The following ADAMTSL3 variants were observed in gnomAD, a reference collection of about 807,000 sequenced individuals.
The protein encoded by ADAMTSL3 is ADAMTS-like protein 3.
Under a neutral mutation model 201.7 loss-of-function variants are expected in ADAMTSL3, and 128 were observed. That is an observed-to-expected ratio of 0.63 (90% confidence interval 0.55 to 0.73). ADAMTSL3 has a LOEUF of 0.73. Ranked by LOEUF, ADAMTSL3 falls within the 30% of genes least tolerant of loss-of-function variation. ADAMTSL3 has a pLI of 0.00. For synonymous variants in ADAMTSL3, 738 were observed against 748.4 expected, an observed-to-expected ratio of 0.99 and a Z score of 0.23; for missense variants, 1,990 against 2,119.6, an observed-to-expected ratio of 0.94 and a Z score of 1.20.
intron 23 of ADAMTSL3, among the ~76,000 whole-genome samples, chr15:84,009,316 G>A (rs751034562): frequency 1.3e-5 from 2 of 152,112 alleles, no homozygotes; most frequent in African/African-American, 4.8e-5. Context: ...TCCAAAATTG[G>A]AGGAATGTGT....
chr15:84,035,424 T>C (rs968062367), intron 28 of ADAMTSL3, among the ~76,000 whole-genome samples: 4 of 152,214 alleles, frequency 2.6e-5, no homozygotes, highest in African/African-American at 9.6e-5. Flanking sequence ...GAGTACTCAG[T>C]CTCTTCTCTG....
At chr15:83,749,842 T>C (rs923354429) in intron 3 of ADAMTSL3, among the ~76,000 whole-genome samples, 4 of 152,188 alleles carry the variant, frequency 2.6e-5, no homozygotes, top group African/African-American at 9.6e-5. Context: ...TCATTCAAGC[T>C]CTTTGTCATT....
At chr15:84,002,935 T>TA (rs2067821703) in intron 23 of ADAMTSL3, among the ~76,000 whole-genome samples, 1 of 84,604 alleles carries the variant, frequency 1.2e-5, no homozygotes, top group South Asian at 3.6e-4. Context: ...TCTTTTCTTT[T>TA]CTTTTTTTTT....
chr15:83,927,308 G>A (rs2066267382), intron 17 of ADAMTSL3, among the ~76,000 whole-genome samples: 1 of 151,934 alleles, frequency 6.6e-6, no homozygotes, highest in South Asian at 2.1e-4. Context: ...GTAGAGATGG[G>A]ATTTTGCCAT....
In ADAMTSL3 at chr15:84,037,717, A is replaced by G; in HGVS notation, c.4987A>G (p.Thr1663Ala). 6.2e-7 allele frequency: 1 copy of G among 1,610,264 alleles called. No individual in the cohort carries two copies. Among genetic ancestry groups the G allele is most frequent in the Middle Eastern group, 1.7e-4 (1 of 6,048 alleles). Reference sequence around the variant, plus strand: ...TTTTGCAGGAGACTGCACAGACACAACTCACTACTGTATGTTTGTAAAACA... The same window carrying G: ...TTTTGCAGGAGACTGCACAGACACAGCTCACTACTGTATGTTTGTAAAACA... ...PSCDRDCTDT[T>A]HYCMFVKHLN... Residue 1663 changes from threonine (T) to alanine (A), a missense_variant, in exon 30 of 30, where the codon ACT (threonine) becomes GCT (alanine). Thr to Ala is a moderately conservative substitution (Grantham distance 58). Coordinates refer to ENST00000286744, the MANE Select transcript of ADAMTSL3 (RefSeq NM_207517.3).
rs1262239154 is a variant in ADAMTSL3 at position 83,890,235 on chromosome 15, C to T, written c.1199C>T (p.Pro400Leu). The T allele has an allele frequency of 6.2e-7, 1 of 1,613,672 alleles. No homozygotes were observed. The highest frequency in any genetic ancestry group is 8.5e-7 in the Non-Finnish European group (1 of 1,179,770). The change falls in exon 11 of 30, where the codon CCC becomes CTC. Residue 400 changes from proline (P) to leucine (L), a missense_variant. Physicochemically the swap from Pro to Leu is moderately conservative, Grantham distance 98. Transcript: ENST00000286744. ...KPKLKECSMDPCPSSDGFKEI... is the reference protein window; with the variant it reads ...KPKLKECSMDLCPSSDGFKEI... ...AAACTGAAGGAATGCAGCATGGATC[C>T]CTGCCCATCAAGGTTTGTGTCATTG...
In ADAMTSL3 at chr15:83,878,113, T is replaced by C. The variant is rs375641457; in HGVS notation, c.961-6988T>C. On this transcript the variant is annotated intron_variant, in intron 9 of 29. Coordinates refer to ENST00000286744, the MANE Select transcript of ADAMTSL3 (RefSeq NM_207517.3). ...TAAAATTTTTTATAGATATTTTATT[T>C]GGTGAAAGAATTTTTTCTTTTTCTA... Among the ~76,000 whole-genome samples, 24 of 152,348 alleles carry C rather than the reference T, an allele frequency of 1.6e-4. No homozygotes were observed. The East Asian group carries it at 3.5e-3, about 22-fold the overall frequency.
chr15:83,839,129 C>A (rs1345239381), intron 7 of ADAMTSL3, among the ~76,000 whole-genome samples: 1 of 152,298 alleles, frequency 6.6e-6, no homozygotes, highest in East Asian at 1.9e-4. Context: ...TTTCTGAATA[C>A]CCCCTTGTTG....
intron 19 of ADAMTSL3, chr15:83,961,657 C>T (rs1166115570): frequency 1.3e-5 from 2 of 152,166 alleles, no homozygotes; most frequent in Non-Finnish European, 2.9e-5. Flanking sequence ...TCCTCTTCAT[C>T]CTGTGTTCTT....
intron 2 of ADAMTSL3, among the ~76,000 whole-genome samples, chr15:83,671,033 C>T (rs2061323394): frequency 6.6e-6 from 1 of 150,936 alleles, no homozygotes; most frequent in Admixed American, 6.6e-5. Flanking sequence ...CTGTACTTGG[C>T]CATGATATAT....
intron 6 of ADAMTSL3, 141 bp downstream of exon 6, chr15:83,820,188 A>G (rs2063839334): frequency 1.5e-6 from 1 of 661,646 alleles, no homozygotes; most frequent in Non-Finnish European, 2.6e-6. Context: ...TACACCTATA[A>G]TCCCAGTTTT....
At chr15:83,938,442 A>G (rs1049224888) in intron 17 of ADAMTSL3, among the ~76,000 whole-genome samples, 4 of 152,248 alleles carry the variant, frequency 2.6e-5, no homozygotes, top group South Asian at 2.1e-4. Context: ...GCCTAGAACT[A>G]GGCTAGAGCT....
rs528725635 is a variant in ADAMTSL3, at chr15:83,670,761, A to G, written c.69+14931A>G. Among the ~76,000 whole-genome samples, 10 of 152,322 alleles carry G rather than the reference A, an allele frequency of 6.6e-5. No individual in the cohort carries two copies. The South Asian group carries it at 2.1e-3, about 32-fold the overall frequency. On this transcript the variant is annotated intron_variant, in intron 2 of 29. Coordinates refer to ENST00000286744, the MANE Select transcript of ADAMTSL3 (RefSeq NM_207517.3). ...TGTGTATTGAGGTTGGTATCTGGTA[A>G]CTGAGACACTTAGCACAACTGCCTG... is the stretch of plus-strand genomic sequence containing the variant.
At chr15:83,925,756 G>A (rs2066234336) in intron 17 of ADAMTSL3, among the ~76,000 whole-genome samples, 1 of 152,106 alleles carries the variant, frequency 6.6e-6, no homozygotes, top group African/African-American at 2.4e-5. Flanking sequence ...ATTTATCTAT[G>A]TTTCTCAGTT....
chr15:83,899,498 C>G, intron 14 of ADAMTSL3, 149 bp from the exon 15 acceptor site: 1 of 584,320 alleles, frequency 1.7e-6, no homozygotes, highest in African/African-American at 1.9e-5. Context: ...ATTCCAGCAG[C>G]CACCTAATGT....
intron 13 of ADAMTSL3, among the ~76,000 whole-genome samples, chr15:83,896,041 G>T (rs556958694): frequency 5.6e-4 from 85 of 152,300 alleles, no homozygotes; most frequent in Admixed American, 1.6e-3. Flanking sequence ...TAATTTTCAA[G>T]CTCCTTAAAG....
At chr15:83,845,040 C>T (rs772731145) in intron 7 of ADAMTSL3, among the ~76,000 whole-genome samples, 2 of 152,230 alleles carry the variant, frequency 1.3e-5, no homozygotes, top group South Asian at 4.1e-4. Context: ...CCCATTCCCC[C>T]GATGGGCCTT....
At chr15:83,783,860 T>TGC (rs1187616308) in intron 4 of ADAMTSL3, among the ~76,000 whole-genome samples, 3 of 151,822 alleles carry the variant, frequency 2.0e-5, no homozygotes, top group Non-Finnish European at 4.4e-5. Flanking sequence ...TGTGTGTGTG[T>TGC]GTGTGTCTCC....
intron 15 of ADAMTSL3, among the ~76,000 whole-genome samples, chr15:83,901,531 AG>A (rs1442286201): frequency 6.6e-6 from 1 of 152,254 alleles, no homozygotes; most frequent in Non-Finnish European, 1.5e-5. Flanking sequence ...TGGATATTTC[AG>A]AAATAAATTT....
Sources: gnomAD v4.1 joint callset for allele counts (sites outside exome capture counted in the v4.1 genomes callset) on GRCh38, gnomAD v4.1.1 for gene constraint, MANE v1.5 for transcripts, NCBI Gene and HGNC (gene_info 2026-07-23, HGNC 2026-07-21) for gene names.